TGM4: variants seen among roughly 807,000 people sequenced by gnomAD.
TGM4 encodes the protein protein-glutamine gamma-glutamyltransferase 4.
TGM4 carries 61 observed loss-of-function variants against 76.3 expected under a neutral mutation model. The ratio of observed to expected loss-of-function variants is 0.80; its 90% CI spans 0.65 to 0.99. TGM4 has a LOEUF of 0.99. Among genes scored for constraint, TGM4 ranks in the 50% least tolerant of loss-of-function variants. The probability of loss-of-function intolerance (pLI) is 0.00; values close to 1 mark genes in which losing one functional copy is unlikely to be tolerated. For synonymous variants in TGM4, 337 were observed against 329.8 expected, an observed-to-expected ratio of 1.02 and a Z score of -0.24; for missense variants, 794 against 843.2, an observed-to-expected ratio of 0.94 and a Z score of 0.72.
rs138529005 is a variant in TGM4, at chr3:44,907,618, G to A, written c.1327+418G>A. 6.3e-3 allele frequency among the ~76,000 whole-genome samples: 957 copies of A among 152,318 alleles called. 6 individuals are homozygous for A. The highest frequency in any genetic ancestry group is 0.017 in the Middle Eastern group (5 of 294). ...TCAGCCTGGCTTTCTGGCCCCTGCAGAGCTGGCCTCTGGCTCCCTTCCTGA... is the reference window on the plus strand; with the variant it reads ...TCAGCCTGGCTTTCTGGCCCCTGCAAAGCTGGCCTCTGGCTCCCTTCCTGA... On this transcript the variant is annotated intron_variant, in intron 10 of 13. Coordinates refer to ENST00000296125, the MANE Select transcript of TGM4 (RefSeq NM_003241.4).
rs1391237162 is a variant in TGM4 at position 44,911,068 on chromosome 3, A to G, written c.1717A>G (p.Lys573Glu). 4.3e-6 allele frequency: 7 copies of G among 1,614,172 alleles called. No individual in the cohort carries two copies. The highest frequency in any genetic ancestry group is 3.4e-6 in the Non-Finnish European group (4 of 1,180,026). ...GFIIAEIVES[K>E]EIMASEVFTS... ...CATCATTGCGGAAATTGTGGAGTCTAAGGAAATCATGGCCTCTGAAGTATT... is the reference window on the plus strand; with the variant it reads ...CATCATTGCGGAAATTGTGGAGTCTGAGGAAATCATGGCCTCTGAAGTATT... The change falls in exon 12 of 14, where the codon AAG becomes GAG. Residue 573 changes from lysine to glutamate, a missense_variant. Transcript: ENST00000296125.
Position 44,913,662 on chromosome 3 carries a change from CAAGTT to C in TGM4, c.1998_2002del (p.Leu666PhefsTer8), listed in dbSNP as rs765798062. 1.3e-5 allele frequency: 21 copies of C among 1,614,088 alleles called. No individual in the cohort carries two copies. The highest frequency in any genetic ancestry group is 1.6e-4 in the Middle Eastern group (1 of 6,084). On this transcript the variant is annotated frameshift_variant, in exon 14 of 14. Transcript: ENST00000296125. LOFTEE classifies it high-confidence loss of function. ...AAACTGGACCCAAGAAATTTATCGT[CAAGTT>C]AAGTTCCAAACAAGTGAAAGAGATT...
intron 2 of TGM4, 42 bp from the exon 3 acceptor site, chr3:44,887,647 T>C: frequency 6.3e-7 from 1 of 1,586,326 alleles, no homozygotes; most frequent in Non-Finnish European, 8.6e-7. Context: ...GTCTTGGGGG[T>C]GGCCCATGGC....
intron 3 of TGM4, chr3:44,888,505 G>C (rs532370549): frequency 6.6e-6 from 1 of 152,162 alleles, no homozygotes. Flanking sequence ...CTAGTGCCCC[G>C]GCCTCTTCCT....
In TGM4 at chr3:44,911,056, A is replaced by G; in HGVS notation, c.1705A>G (p.Ile569Val). ...PVIRGFIIAE[I>V]VESKEIMASE... is the part of the protein sequence containing the mutation. Reference sequence around the variant, plus strand: ...TATCAGAGGTTTCATCATTGCGGAAATTGTGGAGTCTAAGGAAATCATGGC... The same window carrying G: ...TATCAGAGGTTTCATCATTGCGGAAGTTGTGGAGTCTAAGGAAATCATGGC... The change falls in exon 12 of 14, where the codon ATT becomes GTT. Residue 569 changes from isoleucine (I) to valine (V), a missense_variant. Physicochemically the swap from Ile to Val is conservative, Grantham distance 29 (BLOSUM62 3). Coordinates refer to ENST00000296125, the MANE Select transcript of TGM4 (RefSeq NM_003241.4). 2.5e-6 allele frequency: 4 copies of G among 1,614,176 alleles called. No individual in the cohort carries two copies. Among genetic ancestry groups the G allele is most frequent in the Non-Finnish European group, 3.4e-6 (4 of 1,180,024 alleles).
chr3:44,907,454 G>C (rs1328054484), intron 10 of TGM4, among the ~76,000 whole-genome samples: 1 of 152,148 alleles, frequency 6.6e-6, no homozygotes, highest in Non-Finnish European at 1.5e-5. Flanking sequence ...CTGCACTCCA[G>C]CCTGGGTGAC....
At chr3:44,889,930 G>A (rs187042233) in intron 3 of TGM4, among the ~76,000 whole-genome samples, 1 of 152,262 alleles carries the variant, frequency 6.6e-6, no homozygotes, top group East Asian at 1.9e-4. Flanking sequence ...AATTTATAAA[G>A]GAAAGAAGTT....
chr3:44,906,422 C>T (rs556306391), intron 9 of TGM4, among the ~76,000 whole-genome samples: 2 of 152,192 alleles, frequency 1.3e-5, no homozygotes, highest in South Asian at 4.1e-4. Context: ...AATAAATAGA[C>T]AGCTCTTAGA....
At chr3:44,913,539 A>G (rs1392079790) in intron 13 of TGM4, 45 bp from the exon 14 acceptor site, 28 of 1,583,280 alleles carry the variant, frequency 1.8e-5, no homozygotes, top group Non-Finnish European at 2.4e-5. Context: ...TCTTCCCATA[A>G]CATCCTTGGC....
In TGM4 at chr3:44,879,265, C is replaced by CTATATATA. The variant is rs57611128; in HGVS notation, c.19+4583_19+4590dup. On this transcript the variant is annotated intron_variant, in intron 1 of 13. Coordinates refer to ENST00000296125, the MANE Select transcript of TGM4 (RefSeq NM_003241.4). ...TCTCTCTCTCTCTCTCTCTCTCTCT[C>CTATATATA]TATATATATATATATATATATAGTT... Among the ~76,000 whole-genome samples, 233 of 92,240 alleles carry CTATATATA rather than the reference C, an allele frequency of 2.5e-3. 1 individual carries two copies. Among genetic ancestry groups the CTATATATA allele is most frequent in the Middle Eastern group, 6.1e-3 (1 of 164 alleles). The allele number at this position is 92,240 out of a possible 152,430, so 60.5% of individuals were successfully genotyped here. A position where few individuals can be genotyped will look rare whatever the true frequency, so the allele number is the denominator to read the frequency against.
rs755054353 is a variant in TGM4, at chr3:44,910,216, G to A, written c.1454G>A (p.Gly485Glu). ...MSVQSDDVLL[G>E]NSVNFTVILK... ...GTACAATCAGATGATGTGCTGCTGGGAAACTCTGTTAATTTCACCGTGATT... is the reference window on the plus strand; with the variant it reads ...GTACAATCAGATGATGTGCTGCTGGAAAACTCTGTTAATTTCACCGTGATT... Residue 485 changes from glycine to glutamate, a missense_variant, in exon 11 of 14, where the codon GGA becomes GAA. By Grantham distance (98) the Gly-to-Glu change is moderately conservative. Coordinates refer to ENST00000296125, the MANE Select transcript of TGM4 (RefSeq NM_003241.4). 2.3e-5 allele frequency: 37 copies of A among 1,614,114 alleles called. No homozygotes were observed. In the Admixed American group the frequency reaches 5.8e-4, roughly 25 times the overall value.
At chr3:44,892,747 C>T (rs1411925252) in intron 4 of TGM4, among the ~76,000 whole-genome samples, 1 of 152,150 alleles carries the variant, frequency 6.6e-6, no homozygotes, top group South Asian at 2.1e-4. Flanking sequence ...TCACATTTTG[C>T]ATGTAGTTAT....
At chr3:44,897,092 C>G (rs945351633) in intron 6 of TGM4, among the ~76,000 whole-genome samples, 3 of 151,510 alleles carry the variant, frequency 2.0e-5, no homozygotes, top group African/African-American at 7.3e-5. Flanking sequence ...CAACCTCCAC[C>G]CATCCAGGTT....
At chr3:44,903,730 C>T (rs1699884620) in intron 8 of TGM4, 154 bp from the exon 9 acceptor site, 1 of 705,644 alleles carries the variant, frequency 1.4e-6, no homozygotes, top group Non-Finnish European at 2.5e-6. Flanking sequence ...ACCGGTGGCC[C>T]CTTCCTTGCC....
intron 6 of TGM4, among the ~76,000 whole-genome samples, chr3:44,897,492 T>C (rs1015936447): frequency 2.6e-5 from 4 of 152,200 alleles, no homozygotes; most frequent in African/African-American, 7.2e-5. Context: ...CTTGGGACTT[T>C]TCTGGTTTTA....
At chr3:44,896,847 C>G (rs376288968) in intron 6 of TGM4, 31 bp downstream of exon 6, 6 of 1,581,150 alleles carry the variant, frequency 3.8e-6, no homozygotes, top group Non-Finnish European at 5.2e-6. Flanking sequence ...CTGATGCTGT[C>G]TTGTACTTGC....
In TGM4 at chr3:44,910,446, A is replaced by G; in HGVS notation, c.1606+78A>G. 5 of 1,512,140 alleles carry G rather than the reference A, an allele frequency of 3.3e-6. 1 individual carries two copies. In the South Asian group the frequency reaches 6.4e-5, roughly 19 times the overall value. The allele number at this position is 1,512,140 out of a possible 1,614,324, so 93.7% of individuals were successfully genotyped here. A position where few individuals can be genotyped will look rare whatever the true frequency, so the allele number is the denominator to read the frequency against. On this transcript the variant is annotated intron_variant, in intron 11 of 13. Transcript: ENST00000296125. ...CTGAAATCCCTCTTCTCCTCTGTGG[A>G]CAACTTCCATACATTGATAAATTTT...
chr3:44,879,344 TTGCCCAGGC>T (rs1699499200), intron 1 of TGM4, among the ~76,000 whole-genome samples: 1 of 150,666 alleles, frequency 6.6e-6, no homozygotes, highest in Non-Finnish European at 1.5e-5. Flanking sequence ...TTCACTCTTA[TTGCCCAGGC>T]TAGAGTGCCA....
chr3:44,874,808 T>C (rs1699427974), intron 1 of TGM4, 111 bp downstream of exon 1: 1 of 1,335,662 alleles, frequency 7.5e-7, no homozygotes, highest in African/African-American at 1.4e-5. Flanking sequence ...TCACCCTGAC[T>C]TGTGGCCCTG....
Sources: gnomAD v4.1 joint callset for allele counts (sites outside exome capture counted in the v4.1 genomes callset) on GRCh38, gnomAD v4.1.1 for gene constraint, MANE v1.5 for transcripts, NCBI Gene and HGNC (gene_info 2026-07-23, HGNC 2026-07-21) for gene names.